Variants in NLGN1 observed in about 807,000 individuals in gnomAD.
NLGN1 encodes neuroligin 1.
Under a neutral mutation model 65.5 loss-of-function variants are expected in NLGN1, and 12 were observed. The observed-to-expected ratio is 0.18, with a 90% CI of 0.12 to 0.30. NLGN1 has a LOEUF of 0.30. Among genes scored for constraint, NLGN1 ranks in the 10% least tolerant of loss-of-function variants. The pLI, the probability that NLGN1 is intolerant of heterozygous loss-of-function variation, is 1.00. For missense variants in NLGN1, 750 were observed against 1,007.1 expected (o/e 0.74, Z 3.46); for synonymous variants, 350 against 359.5 (o/e 0.97, Z 0.30).
At chr3:174,273,128 G>A (rs1749797689) in intron 4 of NLGN1, among the ~76,000 whole-genome samples, 1 of 151,450 alleles carries the variant, frequency 6.6e-6, no homozygotes, top group South Asian at 2.1e-4. Flanking sequence ...TGATACCGTG[G>A]TTCTCTACAT....
intron 4 of NLGN1, among the ~76,000 whole-genome samples, chr3:173,994,365 G>A (rs910927284): frequency 6.7e-6 from 1 of 148,564 alleles, no homozygotes; most frequent in Non-Finnish European, 1.5e-5. Context: ...AAAGTGCGGG[G>A]ATAACAGGCA....
chr3:173,683,277 T>G (rs1764224786), intron 3 of NLGN1, among the ~76,000 whole-genome samples: 1 of 152,222 alleles, frequency 6.6e-6, no homozygotes, highest in African/African-American at 2.4e-5. Flanking sequence ...TTTCAAGTCC[T>G]CCTTCCTTCC....
rs1745231005 is a variant in NLGN1 at position 173,574,680 on chromosome 3, G to T, written c.-320-29599G>T. Among the ~76,000 whole-genome samples, 3 of 152,064 alleles carry T rather than the reference G, an allele frequency of 2.0e-5. No individual in the cohort carries two copies. In the South Asian group the frequency reaches 6.2e-4, roughly 31 times the overall value. On this transcript the variant is annotated intron_variant, in intron 2 of 6. Transcript: ENST00000457714. ...TTAGGAATTTTATGACTCAAAAAAG[G>T]AATAGAGAAGATAACATGAGAGAAC...
intron 3 of NLGN1, among the ~76,000 whole-genome samples, chr3:173,627,050 A>G (rs1256396453): frequency 6.6e-6 from 1 of 152,076 alleles, no homozygotes. Context: ...CTACGTCCTC[A>G]AAAGTGATAT....
chr3:173,966,859 G>A (rs571533660), intron 4 of NLGN1, among the ~76,000 whole-genome samples: 48 of 152,290 alleles, frequency 3.2e-4, no homozygotes, highest in Admixed American at 6.5e-4. Context: ...TGCAAGGTAA[G>A]TGTACACCCT....
chr3:174,269,424 T>C lies in NLGN1; in HGVS notation c.647-5891T>C, dbSNP rs143230536. Among the ~76,000 whole-genome samples the C allele has an allele frequency of 5.6e-3, 845 of 152,088 alleles. 7 individuals carry two copies. Among genetic ancestry groups the C allele is most frequent in the African/African-American group, 0.019 (806 of 41,532 alleles). On this transcript the variant is annotated intron_variant, in intron 4 of 6. Coordinates refer to ENST00000457714, the Ensembl canonical transcript of NLGN1. ...CTTTAGATATTTCATATGAGTAGAA[T>C]CCTACAGTATTTGCTTTTTTTGTGA... is the stretch of plus-strand genomic sequence containing the variant.
At chr3:174,068,486 C>CGA (rs1371192475) in intron 4 of NLGN1, among the ~76,000 whole-genome samples, 2 of 152,014 alleles carry the variant, frequency 1.3e-5, no homozygotes, top group African/African-American at 2.4e-5. Flanking sequence ...GCTATCTTCA[C>CGA]AGCGCCTAAA....
intron 4 of NLGN1, among the ~76,000 whole-genome samples, chr3:174,202,086 C>T (rs767102484): frequency 6.6e-6 from 1 of 151,976 alleles, no homozygotes; most frequent in African/African-American, 2.4e-5. Flanking sequence ...AACATGTCCC[C>T]GTCTCTCTAA....
intron 3 of NLGN1, among the ~76,000 whole-genome samples, chr3:173,753,774 CT>C (rs1160353480): frequency 2.0e-5 from 3 of 151,974 alleles, no homozygotes; most frequent in African/African-American, 7.2e-5. Flanking sequence ...AGTCTAGCCC[CT>C]GTTGCTTCTT....
intron 4 of NLGN1, among the ~76,000 whole-genome samples, chr3:174,070,615 C>A (rs897003786): frequency 2.0e-5 from 3 of 152,096 alleles, no homozygotes; most frequent in African/African-American, 7.2e-5. Flanking sequence ...CAGGTGTGAG[C>A]CACCGCGCCC....
intron 4 of NLGN1, among the ~76,000 whole-genome samples, chr3:173,911,123 A>T (rs890124563): frequency 2.0e-5 from 3 of 152,232 alleles, no homozygotes; most frequent in Non-Finnish European, 2.9e-5. Flanking sequence ...AAACTGTTAT[A>T]ATATCCAAAG....
intron 2 of NLGN1, among the ~76,000 whole-genome samples, chr3:173,545,331 C>G (rs1055838998): frequency 6.6e-6 from 1 of 152,092 alleles, no homozygotes; most frequent in African/African-American, 2.4e-5. Flanking sequence ...ACCTAGACCT[C>G]CCAAAGTGCT....
chr3:174,055,573 T>C (rs1335996306), intron 4 of NLGN1, among the ~76,000 whole-genome samples: 1 of 151,952 alleles, frequency 6.6e-6, no homozygotes, highest in Non-Finnish European at 1.5e-5. Flanking sequence ...TCATTAAAGA[T>C]TTTAGGCACT....
chr3:174,142,667 C>G (rs562965084), intron 4 of NLGN1, among the ~76,000 whole-genome samples: 1 of 150,130 alleles, frequency 6.7e-6, no homozygotes, highest in Non-Finnish European at 1.5e-5. Flanking sequence ...TAAAACATAG[C>G]AAGACATCTA....
At chr3:174,164,660 G>A (rs2152725312) in intron 4 of NLGN1, among the ~76,000 whole-genome samples, 1 of 152,240 alleles carries the variant, frequency 6.6e-6, no homozygotes, top group South Asian at 2.1e-4. Context: ...TCGAAGCATA[G>A]ATGGTTGTAG....
At chr3:174,180,409 T>C (rs1267967726) in intron 4 of NLGN1, among the ~76,000 whole-genome samples, 1 of 152,146 alleles carries the variant, frequency 6.6e-6, no homozygotes, top group African/African-American at 2.4e-5. Flanking sequence ...CAAGTGCAAT[T>C]TTGTTTTTGA....
intron 4 of NLGN1, among the ~76,000 whole-genome samples, chr3:174,055,501 A>G (rs1735860680): frequency 6.6e-6 from 1 of 152,072 alleles, no homozygotes; most frequent in Non-Finnish European, 1.5e-5. Context: ...TCTCTGGCAG[A>G]TAAGGCTGAA....
chr3:173,938,559 A>G (rs563716298), intron 4 of NLGN1, among the ~76,000 whole-genome samples: 1 of 152,304 alleles, frequency 6.6e-6, no homozygotes, highest in African/African-American at 2.4e-5. Flanking sequence ...CCGTGTTGAC[A>G]TATACTGCTA....
intron 2 of NLGN1, among the ~76,000 whole-genome samples, chr3:173,503,417 G>A (rs1021274579): frequency 5.9e-5 from 9 of 151,958 alleles, no homozygotes; most frequent in African/African-American, 1.9e-4. Flanking sequence ...CCTCTTCTGG[G>A]CTTCAAGCCA....
Sources: gnomAD v4.1 joint callset for allele counts (sites outside exome capture counted in the v4.1 genomes callset) on GRCh38, gnomAD v4.1.1 for gene constraint, MANE v1.5 for transcripts, NCBI Gene and HGNC (gene_info 2026-07-23, HGNC 2026-07-21) for gene names.